Variants in SELENOT observed in about 807,000 individuals in gnomAD.
SELENOT encodes thioredoxin reductase-like selenoprotein T.
A neutral mutation model predicts 24.3 loss-of-function variants in SELENOT; 9 were observed. The ratio of observed to expected loss-of-function variants is 0.37; its 90% CI spans 0.22 to 0.65. The LOEUF (loss-of-function observed/expected upper bound fraction) is 0.65, where lower values mean the gene tolerates loss of function less well. Ranked by LOEUF, SELENOT falls within the 30% of genes least tolerant of loss-of-function variation. The pLI is 0.60. For synonymous variants in SELENOT, 81 were observed against 86.0 expected, an observed-to-expected ratio of 0.94 and a Z score of 0.32; for missense variants, 166 against 247.6, an observed-to-expected ratio of 0.67 and a Z score of 2.21.
chr3:150,603,812 C>T, intron 1 of SELENOT: 1 of 221,860 alleles, frequency 4.5e-6, no homozygotes, highest in South Asian at 1.5e-4. Context: ...TGGTTGGCGG[C>T]GTCACGCCAT....
intron 3 of SELENOT, among the ~76,000 whole-genome samples, chr3:150,624,256 C>T (rs1465063914): frequency 1.3e-5 from 2 of 152,154 alleles, no homozygotes; most frequent in African/African-American, 2.4e-5. Context: ...AAACAGCTTG[C>T]TGTGAATTGG....
intron 1 of SELENOT, among the ~76,000 whole-genome samples, chr3:150,612,688 C>T (rs1047923876): frequency 1.3e-5 from 2 of 152,168 alleles, no homozygotes; most frequent in African/African-American, 4.8e-5. Context: ...TAATGTTTCC[C>T]CTGTTGGTGA....
chr3:150,614,522 AT>A (rs1726170445), intron 1 of SELENOT: 1 of 154,602 alleles, frequency 6.5e-6, no homozygotes, highest in East Asian at 1.9e-4. Context: ...TTTATCTAAG[AT>A]TTTTATTTAG....
At chr3:150,605,527 A>C (rs1371812126) in intron 1 of SELENOT, among the ~76,000 whole-genome samples, 2 of 152,260 alleles carry the variant, frequency 1.3e-5, no homozygotes, top group East Asian at 3.9e-4. Flanking sequence ...CCTGTCCCAA[A>C]AGTCTAATAA....
At chr3:150,604,584 C>T (rs1296406983) in intron 1 of SELENOT, among the ~76,000 whole-genome samples, 4 of 152,166 alleles carry the variant, frequency 2.6e-5, no homozygotes, top group Non-Finnish European at 4.4e-5. Flanking sequence ...TTTTGATTTT[C>T]TACTTCTCCA....
At chr3:150,606,742 A>G (rs1405314842) in intron 1 of SELENOT, among the ~76,000 whole-genome samples, 2 of 151,966 alleles carry the variant, frequency 1.3e-5, no homozygotes, top group East Asian at 3.9e-4. Flanking sequence ...GCAGGTGTGC[A>G]CCACCACGCC....
At chr3:150,607,197 G>T (rs1397576478) in intron 1 of SELENOT, among the ~76,000 whole-genome samples, 1 of 152,190 alleles carries the variant, frequency 6.6e-6, no homozygotes, top group Non-Finnish European at 1.5e-5. Context: ...AGAATCTACT[G>T]CTGTAATTTT....
chr3:150,628,671 T>C lies in SELENOT; in HGVS notation c.*1042T>C, dbSNP rs1726492538. The C allele has an allele frequency of 2.0e-5, 3 of 152,204 alleles. No homozygotes were observed. In the South Asian group the frequency reaches 6.2e-4, roughly 31 times the overall value. The allele number at this position is 152,204 out of a possible 1,614,324, so 9.4% of individuals were successfully genotyped here. ...ATATGATGAACAAAACTTAAAATTT[T>C]TTAAATTTAATTTTTAAATACTGTT... On this transcript the variant is annotated 3_prime_UTR_variant, in exon 6 of 6. Transcript: ENST00000471696.
intron 1 of SELENOT, among the ~76,000 whole-genome samples, chr3:150,607,772 T>C (rs1406212573): frequency 6.6e-6 from 1 of 152,156 alleles, no homozygotes; most frequent in Non-Finnish European, 1.5e-5. Context: ...GACCACAGTT[T>C]TACCAGAGAA....
At chr3:150,611,772 C>G in intron 1 of SELENOT, 1 of 1,212,390 alleles carries the variant, frequency 8.2e-7, no homozygotes, top group South Asian at 1.3e-5. Context: ...GCTGAGACCG[C>G]CCCTGCGCCC....
At chr3:150,610,467 T>G (rs1426389190) in intron 1 of SELENOT, among the ~76,000 whole-genome samples, 1 of 152,204 alleles carries the variant, frequency 6.6e-6, no homozygotes, top group Non-Finnish European at 1.5e-5. Context: ...GGGTTCATGT[T>G]TCATTATTTT....
At chr3:150,621,784 AG>A (rs1355467188) in intron 1 of SELENOT, among the ~76,000 whole-genome samples, 1 of 152,054 alleles carries the variant, frequency 6.6e-6, no homozygotes, top group East Asian at 1.9e-4. Flanking sequence ...CAAATTTTAG[AG>A]TTAGAAGGGT....
In SELENOT at chr3:150,621,722, A is replaced by G. The variant is rs562776734; in HGVS notation, c.138-663A>G. On this transcript the variant is annotated intron_variant, in intron 1 of 5. Coordinates refer to ENST00000471696, the MANE Select transcript of SELENOT (RefSeq NM_016275.5). ...GAGTAATTATAAGGATTTTCTGTCC[A>G]TATTATTGAAAATTATGTTCCCAAT... 3.5e-5 allele frequency among the ~76,000 whole-genome samples: 5 copies of G among 144,214 alleles called. No individual in the cohort carries two copies. In the South Asian group the frequency reaches 8.7e-4, roughly 25 times the overall value. 94.6% of individuals were successfully genotyped at this position (144,214 alleles called of 152,430 possible).
intron 5 of SELENOT, 143 bp from the exon 6 acceptor site, chr3:150,627,516 C>G (rs1576535654): frequency 6.3e-6 from 1 of 158,570 alleles, no homozygotes; most frequent in Non-Finnish European, 1.4e-5. Flanking sequence ...TGAACATACT[C>G]AAGATAAAAA....
At chr3:150,610,339 G>A (rs1423154073) in intron 1 of SELENOT, among the ~76,000 whole-genome samples, 1 of 152,190 alleles carries the variant, frequency 6.6e-6, no homozygotes, top group Non-Finnish European at 1.5e-5. Context: ...ACTTATGGTT[G>A]ATTTGATTTG....
intron 1 of SELENOT, among the ~76,000 whole-genome samples, chr3:150,618,250 G>A (rs1190396312): frequency 6.6e-6 from 1 of 152,228 alleles, no homozygotes; most frequent in African/African-American, 2.4e-5. Flanking sequence ...GCTATGACAA[G>A]GAATTAGGCC....
chr3:150,618,833 C>G (rs1726275118), intron 1 of SELENOT: 2 of 152,138 alleles, frequency 1.3e-5, no homozygotes, highest in Non-Finnish European at 2.9e-5. Flanking sequence ...CTATGATAGA[C>G]TTTAAAAAGC....
intron 1 of SELENOT, among the ~76,000 whole-genome samples, chr3:150,607,144 CAT>C (rs2108004418): frequency 6.6e-6 from 1 of 152,286 alleles, no homozygotes; most frequent in African/African-American, 2.4e-5. Context: ...GATTTCAAAA[CAT>C]AAGTAGAATA....
chr3:150,611,532 C>T, intron 1 of SELENOT: 2 of 1,122,870 alleles, frequency 1.8e-6, no homozygotes, highest in Non-Finnish European at 2.7e-6. Context: ...CATCATCACT[C>T]CCTTTTCTCT....
Sources: allele counts gnomAD v4.1 joint callset (sites outside exome capture counted in the v4.1 genomes callset), GRCh38; gene constraint gnomAD v4.1.1; transcripts MANE v1.5; gene names NCBI Gene and HGNC (gene_info 2026-07-23, HGNC 2026-07-21).